PUM3: variants seen among roughly 807,000 people sequenced by gnomAD.
PUM3 encodes pumilio homolog 3.
Under a neutral mutation model 84.0 loss-of-function variants are expected in PUM3, and 91 were observed. The observed-to-expected ratio is 1.08, with a 90% CI of 0.91 to 1.29. The LOEUF is 1.29. Ranked by LOEUF, PUM3 falls within the 50% of genes most tolerant of loss-of-function variation. The probability of loss-of-function intolerance (pLI) is 0.00; values close to 1 mark genes in which losing one functional copy is unlikely to be tolerated. For missense variants in PUM3, 1,067 were observed against 767.5 expected, an observed-to-expected ratio of 1.39 and a Z score of -4.61; for synonymous variants, 321 against 266.7, an observed-to-expected ratio of 1.20 and a Z score of -1.98.
chr9:2,828,621 C>A, intron 9 of PUM3, 54 bp downstream of exon 9: 1 of 1,069,072 alleles, frequency 9.4e-7, no homozygotes, highest in Non-Finnish European at 1.4e-6. Context: ...TTATGGAAAA[C>A]CTTCCTCCTT....
In PUM3 at chr9:2,834,170, G is replaced by GTTA. The variant is rs760026331; in HGVS notation, c.305-7_305-5dup. On this transcript the variant is annotated splice_region_variant and splice_polypyrimidine_tract_variant and intron_variant, in intron 3 of 17. Transcript: ENST00000397885. The stretch of plus-strand genomic sequence containing the variant: ...TTGGGCTTCTTGGCTGCTGATTCTA[G>GTTA]TTATTATAGAAATTATTTTCAATTA... 5.5e-5 allele frequency: 88 copies of GTTA among 1,606,356 alleles called. No individual in the cohort carries two copies. In the Middle Eastern group the frequency reaches 1.7e-3, roughly 30 times the overall value.
intron 2 of PUM3, among the ~76,000 whole-genome samples, 168 bp from the exon 3 acceptor site, chr9:2,837,569 A>C (rs895367262): frequency 6.6e-6 from 1 of 152,236 alleles, no homozygotes. Flanking sequence ...AACAATCAAA[A>C]CAAAAATAAA....
At chr9:2,839,653 C>T (rs1563837018) in intron 1 of PUM3, among the ~76,000 whole-genome samples, 1 of 152,148 alleles carries the variant, frequency 6.6e-6, no homozygotes, top group Non-Finnish European at 1.5e-5. Context: ...CTAGACTTTT[C>T]TAATGATTTT....
intron 17 of PUM3, among the ~76,000 whole-genome samples, chr9:2,806,357 A>G (rs566358229): frequency 6.6e-6 from 1 of 152,352 alleles, no homozygotes; most frequent in South Asian, 2.1e-4. Flanking sequence ...TAACACTTAT[A>G]TATTTGGAGA....
intron 16 of PUM3, among the ~76,000 whole-genome samples, chr9:2,808,507 T>C (rs1412606438): frequency 6.6e-6 from 1 of 152,210 alleles, no homozygotes; most frequent in East Asian, 1.9e-4. Flanking sequence ...CAATTAATGC[T>C]TGGACAAAGG....
intron 13 of PUM3, among the ~76,000 whole-genome samples, chr9:2,818,145 G>A (rs774212274): frequency 1.3e-5 from 2 of 152,216 alleles, no homozygotes; most frequent in Non-Finnish European, 2.9e-5. Context: ...TACTGCAACT[G>A]TTTTTGTGGT....
At chr9:2,811,154 T>A (rs1284956006) in intron 15 of PUM3, among the ~76,000 whole-genome samples, 1 of 152,194 alleles carries the variant, frequency 6.6e-6, no homozygotes, top group African/African-American at 2.4e-5. Flanking sequence ...CAAATTCACA[T>A]CTGTAAAACA....
At chr9:2,826,671 C>T (rs896938763) in intron 10 of PUM3, among the ~76,000 whole-genome samples, 6 of 152,084 alleles carry the variant, frequency 3.9e-5, no homozygotes, top group African/African-American at 1.2e-4. Context: ...TTTTCATCGT[C>T]CACTTAGTTT....
At chr9:2,830,179 A>C (rs894478442) in intron 7 of PUM3, among the ~76,000 whole-genome samples, 3 of 152,324 alleles carry the variant, frequency 2.0e-5, no homozygotes, top group African/African-American at 7.2e-5. Flanking sequence ...AAAAAAGATA[A>C]AAGATTCAAG....
In PUM3 at chr9:2,812,458, A is replaced by G. The variant is rs12341287; in HGVS notation, c.1270-96T>C. 20 of 820,086 alleles carry G rather than the reference A, an allele frequency of 2.4e-5. No individual in the cohort carries two copies. The African/African-American group carries it at 3.5e-4, about 14-fold the overall frequency. The allele number at this position is 820,086 out of a possible 1,614,324, so 50.8% of individuals were successfully genotyped here. A position where few individuals can be genotyped will look rare whatever the true frequency, so the allele number is the denominator to read the frequency against. ...TTCCATATTTGCCATTTACTATGCT[A>G]AGCAAGGAACTGATAATTTCCTATA... On this transcript the variant is annotated intron_variant, in intron 13 of 17. Coordinates refer to ENST00000397885, the MANE Select transcript of PUM3 (RefSeq NM_014878.5).
At chr9:2,838,372 C>T in intron 2 of PUM3, 54 bp downstream of exon 2, 1 of 1,160,598 alleles carries the variant, frequency 8.6e-7, no homozygotes, top group Non-Finnish European at 1.3e-6. Context: ...TACTACATGC[C>T]CTCCCATCCC....
At chr9:2,824,876 A>G in intron 10 of PUM3, 61 bp from the exon 11 acceptor site, 1 of 1,227,706 alleles carries the variant, frequency 8.1e-7, no homozygotes. Flanking sequence ...CTACTGTTTT[A>G]TCTGTCTGTC....
In PUM3 at chr9:2,833,356, C is replaced by G; in HGVS notation, c.516+1G>C. The G allele has an allele frequency of 6.5e-7, 1 of 1,546,768 alleles. No homozygotes were observed. The highest frequency in any genetic ancestry group is 8.9e-7 in the Non-Finnish European group (1 of 1,122,658). ...TGCAACAATGAGTATATGCTACTTA[C>G]AGTTTTAATTTTCCCTTGAATCAAC... On this transcript the variant is annotated splice_donor_variant, in intron 5 of 17. Transcript: ENST00000397885. LOFTEE classifies it high-confidence loss of function.
In PUM3 at chr9:2,820,052, T is replaced by G. The variant is rs554483819; in HGVS notation, c.1235A>C (p.Asp412Ala). The G allele has an allele frequency of 6.2e-7, 1 of 1,612,708 alleles. No individual in the cohort carries two copies. Among genetic ancestry groups the G allele is most frequent in the South Asian group, 1.1e-5 (1 of 91,026 alleles). ...LVLLAAFDCIDDTKLVKQIII... is the reference protein window; with the variant it reads ...LVLLAAFDCIADTKLVKQIII... ...TATCTGCTTCACAAGCTTAGTATCATCAATACAATCAAATGCCGCCAGTAA... is the reference window on the plus strand; with the variant it reads ...TATCTGCTTCACAAGCTTAGTATCAGCAATACAATCAAATGCCGCCAGTAA... The change falls in exon 13 of 18, where the codon GAT (aspartate) becomes GCT (alanine). Residue 412 changes from aspartate to alanine, a missense_variant. Coordinates refer to ENST00000397885, the MANE Select transcript of PUM3 (RefSeq NM_014878.5).
intron 11 of PUM3, among the ~76,000 whole-genome samples, chr9:2,824,451 C>T (rs918636989): frequency 1.3e-4 from 20 of 152,136 alleles, no homozygotes; most frequent in African/African-American, 4.8e-4. Context: ...AGCTTAAATA[C>T]ATATTATGTT....
chr9:2,804,520 A>G lies in PUM3; in HGVS notation c.1815-57T>C. On this transcript the variant is annotated intron_variant, in intron 17 of 17. Coordinates refer to ENST00000397885, the MANE Select transcript of PUM3 (RefSeq NM_014878.5). ...GCATTCCTAGATCATCTCCAATACT[A>G]CCTGTACCAACAGTAAAAAAGACTT... 7.3e-6 allele frequency: 11 copies of G among 1,503,616 alleles called. No individual in the cohort carries two copies. In the South Asian group the frequency reaches 1.4e-4, roughly 19 times the overall value. The allele number at this position is 1,503,616 out of a possible 1,614,324, so 93.1% of individuals were successfully genotyped here.
intron 12 of PUM3, among the ~76,000 whole-genome samples, chr9:2,821,498 A>C (rs10481516): frequency 0.45 from 66,112 of 147,588 alleles, 15,445 homozygotes; most frequent in South Asian, 0.56. Context: ...AAACAGAAGT[A>C]CAAATGTCTT....
intron 3 of PUM3, among the ~76,000 whole-genome samples, chr9:2,836,752 A>T (rs1427124471): frequency 6.6e-6 from 1 of 152,104 alleles, no homozygotes; most frequent in Non-Finnish European, 1.5e-5. Flanking sequence ...GATTCTTTAA[A>T]GCCAGATTCT....
At position 2,804,541 on chromosome 9, in the gene PUM3, G is replaced by A; in HGVS notation, c.1815-78C>T. The A allele has an allele frequency of 2.2e-6, 3 of 1,365,684 alleles. No homozygotes were observed. In the South Asian group the frequency reaches 4.3e-5, roughly 20 times the overall value. 84.6% of individuals were successfully genotyped at this position (1,365,684 alleles called of 1,614,324 possible). Reference sequence around the variant, plus strand: ...TACTACCTGTACCAACAGTAAAAAAGACTTTGTTAACTGTGACACAAGCCT... The same window carrying A: ...TACTACCTGTACCAACAGTAAAAAAAACTTTGTTAACTGTGACACAAGCCT... On this transcript the variant is annotated intron_variant, in intron 17 of 17. Coordinates refer to ENST00000397885, the MANE Select transcript of PUM3 (RefSeq NM_014878.5).
Sources: gnomAD v4.1 joint callset for allele counts (sites outside exome capture counted in the v4.1 genomes callset) on GRCh38, gnomAD v4.1.1 for gene constraint, MANE v1.5 for transcripts, NCBI Gene and HGNC (gene_info 2026-07-23, HGNC 2026-07-21) for gene names.